The following DNAJC1 variants were observed in gnomAD, a reference collection of about 807,000 sequenced individuals.
The protein encoded by DNAJC1 is DnaJ heat shock protein family (Hsp40) member C1.
In DNAJC1, 58 loss-of-function variants were observed where a neutral mutation model predicts 76.6. The ratio of observed to expected loss-of-function variants is 0.76; its 90% CI spans 0.61 to 0.94. DNAJC1 has a LOEUF of 0.94. Ranked by LOEUF, DNAJC1 falls within the 40% of genes least tolerant of loss-of-function variation. The pLI is 0.00. For synonymous variants in DNAJC1, 258 were observed against 267.9 expected (o/e 0.96, Z 0.36); for missense variants, 689 against 677.3 (o/e 1.02, Z -0.19).
intron 8 of DNAJC1, among the ~76,000 whole-genome samples, chr10:21,826,099 G>A (rs1190183741): frequency 3.3e-5 from 5 of 151,944 alleles, no homozygotes; most frequent in South Asian, 2.1e-4. Flanking sequence ...TTAGCCAGGC[G>A]TGGTGGCAGG....
At chr10:21,796,401 G>A (rs773076598) in intron 9 of DNAJC1, among the ~76,000 whole-genome samples, 8 of 152,268 alleles carry the variant, frequency 5.3e-5, no homozygotes, top group Admixed American at 1.3e-4. Context: ...TGCAATGAAC[G>A]GGGAAGTGCA....
intron 1 of DNAJC1, among the ~76,000 whole-genome samples, chr10:21,970,107 C>T (rs1431530868): frequency 6.6e-6 from 1 of 152,096 alleles, no homozygotes; most frequent in South Asian, 2.1e-4. Flanking sequence ...TTTCTCACTA[C>T]TCAGCATTTT....
At chr10:21,977,471 C>T (rs1331266536) in intron 1 of DNAJC1, among the ~76,000 whole-genome samples, 1 of 152,036 alleles carries the variant, frequency 6.6e-6, no homozygotes, top group Non-Finnish European at 1.5e-5. Context: ...AATAATTTCC[C>T]AAAGTAGTAA....
intron 7 of DNAJC1, among the ~76,000 whole-genome samples, chr10:21,887,565 A>C (rs1400408737): frequency 6.6e-6 from 1 of 152,082 alleles, no homozygotes; most frequent in African/African-American, 2.4e-5. Flanking sequence ...CAGAACAGAG[A>C]GCCCAGAAAT....
intron 1 of DNAJC1, among the ~76,000 whole-genome samples, chr10:21,969,951 T>C (rs562432400): frequency 2.8e-4 from 43 of 152,212 alleles, no homozygotes; most frequent in African/African-American, 1.0e-3. Flanking sequence ...AAAGTATATT[T>C]ATCTGCTGAG....
intron 9 of DNAJC1, among the ~76,000 whole-genome samples, chr10:21,786,527 CTGG>C (rs1478992264): frequency 6.7e-6 from 1 of 148,662 alleles, no homozygotes; most frequent in Non-Finnish European, 1.5e-5. Context: ...GTCACCCAGG[CTGG>C]AGTACAGTGG....
chr10:21,937,937 T>C (rs1006926825), intron 1 of DNAJC1, among the ~76,000 whole-genome samples: 4 of 152,146 alleles, frequency 2.6e-5, no homozygotes, highest in Non-Finnish European at 5.9e-5. Context: ...TCTAAGATAA[T>C]TGTGAATGTG....
At chr10:21,886,056 A>T (rs920338215) in intron 7 of DNAJC1, among the ~76,000 whole-genome samples, 2 of 150,862 alleles carry the variant, frequency 1.3e-5, no homozygotes, top group Non-Finnish European at 3.0e-5. Context: ...AATGGATTTT[A>T]AAAAAAAATT....
chr10:21,835,725 A>G (rs1043550250), intron 8 of DNAJC1, among the ~76,000 whole-genome samples: 10 of 152,228 alleles, frequency 6.6e-5, no homozygotes, highest in African/African-American at 9.6e-5. Flanking sequence ...AAAGGGTATC[A>G]GAGATGGAAG....
chr10:21,758,743 G>T (rs1834205825), intron 11 of DNAJC1, among the ~76,000 whole-genome samples: 1 of 152,356 alleles, frequency 6.6e-6, no homozygotes, highest in East Asian at 1.9e-4. Context: ...TTGCTACACA[G>T]CCAATGGGCC....
chr10:21,939,048 G>A (rs753585886), intron 1 of DNAJC1, among the ~76,000 whole-genome samples: 20 of 152,076 alleles, frequency 1.3e-4, no homozygotes, highest in Non-Finnish European at 2.2e-4. Context: ...GTGCCACCAC[G>A]CCCAGCTAAT....
chr10:21,950,644 T>C (rs1837579067), intron 1 of DNAJC1, among the ~76,000 whole-genome samples: 1 of 152,190 alleles, frequency 6.6e-6, no homozygotes, highest in African/African-American at 2.4e-5. Flanking sequence ...GCTAGGCCTC[T>C]TGCACCAAAC....
At chr10:21,817,796 C>T (rs573461588) in intron 8 of DNAJC1, among the ~76,000 whole-genome samples, 34 of 152,236 alleles carry the variant, frequency 2.2e-4, no homozygotes, top group Admixed American at 9.2e-4. Context: ...CCTGTCTTTA[C>T]GGCAATCTCT....
chr10:21,971,197 T>C (rs535004159), intron 1 of DNAJC1, among the ~76,000 whole-genome samples: 1 of 152,010 alleles, frequency 6.6e-6, no homozygotes, highest in Admixed American at 6.5e-5. Flanking sequence ...TTTGAACTTA[T>C]AATTTCTCTA....
At chr10:21,804,660 C>CAAAAAAAAAAAA (rs56713100) in intron 9 of DNAJC1, among the ~76,000 whole-genome samples, 1 of 99,798 alleles carries the variant, frequency 1.0e-5, no homozygotes, top group African/African-American at 3.6e-5. Context: ...TGAAACACAG[C>CAAAAAAAAAAAA]AAAAAAAAAA....
Position 21,759,157 on chromosome 10 carries a change from C to T in DNAJC1, c.1596+13G>A, listed in dbSNP as rs751230000. On this transcript the variant is annotated intron_variant, in intron 11 of 11. Transcript: ENST00000376980. ...CTAACACCTGTGCAGAGGCCTCTTT[C>T]CCCATCACTCACCTTGCTCTTGGAC... The T allele has an allele frequency of 9.3e-6, 15 of 1,606,970 alleles. No homozygotes were observed. The South Asian group carries it at 1.7e-4, about 18-fold the overall frequency.
intron 1 of DNAJC1, among the ~76,000 whole-genome samples, chr10:21,981,999 C>CA (rs1838166349): frequency 1.3e-5 from 2 of 152,184 alleles, no homozygotes; most frequent in South Asian, 4.1e-4. Context: ...CTGCCTTTGG[C>CA]AAAAACCTTG....
At chr10:21,932,079 G>A (rs769946425) in intron 1 of DNAJC1, among the ~76,000 whole-genome samples, 11 of 152,136 alleles carry the variant, frequency 7.2e-5, no homozygotes, top group African/African-American at 1.7e-4. Context: ...GCTCACGCCC[G>A]TAATCCCAGC....
intron 7 of DNAJC1, among the ~76,000 whole-genome samples, chr10:21,892,040 G>A (rs1466610103): frequency 1.3e-5 from 2 of 152,052 alleles, no homozygotes; most frequent in African/African-American, 4.8e-5. Context: ...AGGGATTTAA[G>A]GGGAGGTAAG....
Sources: gnomAD v4.1 joint callset for allele counts (sites outside exome capture counted in the v4.1 genomes callset) on GRCh38, gnomAD v4.1.1 for gene constraint, MANE v1.5 for transcripts, NCBI Gene and HGNC (gene_info 2026-07-23, HGNC 2026-07-21) for gene names.